Variants in ABCC9 observed in about 807,000 individuals in gnomAD.
ABCC9 encodes ATP-binding cassette sub-family C member 9.
A neutral mutation model predicts 188.3 loss-of-function variants in ABCC9; 95 were observed. The observed-to-expected ratio is 0.50, with a 90% CI of 0.43 to 0.60. ABCC9 has a LOEUF of 0.60. Ranked by LOEUF, ABCC9 falls within the 20% of genes least tolerant of loss-of-function variation. The pLI, the probability that ABCC9 is intolerant of heterozygous loss-of-function variation, is 0.00. For missense variants in ABCC9, 1,102 were observed against 1,876.3 expected (o/e 0.59, Z 7.62); for synonymous variants, 659 against 652.7 (o/e 1.01, Z -0.15).
intron 30 of ABCC9, among the ~76,000 whole-genome samples, chr12:21,834,836 A>G (rs1943987767): frequency 6.9e-6 from 1 of 145,024 alleles, no homozygotes; most frequent in Admixed American, 6.9e-5. Flanking sequence ...CAGTGCGCAC[A>G]TGAGGAGGGA....
intron 39 of ABCC9, among the ~76,000 whole-genome samples, chr12:21,802,469 TAATAC>T (rs1941509134): frequency 1.3e-5 from 2 of 152,226 alleles, no homozygotes; most frequent in African/African-American, 4.8e-5. Flanking sequence ...AAAGCAACTT[TAATAC>T]ATTTTAACCC....
rs535009862 is a variant in ABCC9, at chr12:21,814,572, G to A, written c.4102+72C>T. The A allele has an allele frequency of 7.1e-6, 9 of 1,267,672 alleles. No individual in the cohort carries two copies. In the African/African-American group the frequency reaches 8.9e-5, roughly 13 times the overall value. The allele number at this position is 1,267,672 out of a possible 1,614,324, so 78.5% of individuals were successfully genotyped here. ...AAATATTTGCTTTTGATTTCTGCAG[G>A]ATTAGGTAAATTGATGTTTTTTTAA... On this transcript the variant is annotated intron_variant, in intron 35 of 39. Transcript: ENST00000261200.
At chr12:21,858,935 C>T (rs994094094) in intron 22 of ABCC9, among the ~76,000 whole-genome samples, 1 of 152,130 alleles carries the variant, frequency 6.6e-6, no homozygotes, top group African/African-American at 2.4e-5. Flanking sequence ...TTTTAGGTAC[C>T]TCCTGCTGGA....
chr12:21,860,417 C>G (rs1945445848), intron 21 of ABCC9, among the ~76,000 whole-genome samples: 1 of 152,180 alleles, frequency 6.6e-6, no homozygotes, highest in Non-Finnish European at 1.5e-5. Flanking sequence ...CGATAACACC[C>G]ATAACACAGA....
Position 21,845,563 on chromosome 12 carries a change from T to G in ABCC9, c.3096+40A>C, listed in dbSNP as rs11830652. The G allele has an allele frequency of 1.6e-3, 2,359 of 1,520,198 alleles. 23 individuals are homozygous for G. The African/African-American group carries it at 0.029, about 19-fold the overall frequency. The allele number at this position is 1,520,198 out of a possible 1,614,324, so 94.2% of individuals were successfully genotyped here. The stretch of plus-strand genomic sequence containing the variant: ...GAAGGTATCACTGTTAATCTCAATA[T>G]TTCCTTGATGATTTAAAAACAAAAC... On this transcript the variant is annotated intron_variant, in intron 26 of 39. Transcript: ENST00000261200.
At chr12:21,887,306 C>T (rs1946927830) in intron 15 of ABCC9, among the ~76,000 whole-genome samples, 1 of 152,058 alleles carries the variant, frequency 6.6e-6, no homozygotes, top group Non-Finnish European at 1.5e-5. Flanking sequence ...TTAATTCTAG[C>T]TCTACCACTT....
At chr12:21,884,967 T>A (rs1017509422) in intron 15 of ABCC9, among the ~76,000 whole-genome samples, 1 of 152,082 alleles carries the variant, frequency 6.6e-6, no homozygotes, top group Non-Finnish European at 1.5e-5. Flanking sequence ...TCTTCTAGAG[T>A]CTTTAATTCT....
At chr12:21,925,683 A>T in intron 5 of ABCC9, 2 of 615,804 alleles carry the variant, frequency 3.2e-6, no homozygotes, top group Admixed American at 2.7e-5. Flanking sequence ...TTCTTCCCCC[A>T]CCCCCCTACA....
intron 16 of ABCC9, among the ~76,000 whole-genome samples, chr12:21,879,894 A>G (rs1946539429): frequency 6.6e-6 from 1 of 152,054 alleles, no homozygotes; most frequent in Non-Finnish European, 1.5e-5. Context: ...AAAAGGTGTC[A>G]ATGTTCGTTA....
intron 16 of ABCC9, among the ~76,000 whole-genome samples, chr12:21,879,065 A>C (rs1315507060): frequency 1.3e-5 from 2 of 152,222 alleles, no homozygotes; most frequent in Non-Finnish European, 2.9e-5. Flanking sequence ...CTCAGTGTAC[A>C]TCACTAGGGG....
At chr12:21,890,301 T>C (rs1430024684) in intron 14 of ABCC9, among the ~76,000 whole-genome samples, 4 of 152,120 alleles carry the variant, frequency 2.6e-5, no homozygotes, top group Non-Finnish European at 4.4e-5. Context: ...TCAGCATCTT[T>C]AGCATCGTCT....
Position 21,910,322 on chromosome 12 carries a change from A to C in ABCC9, c.1165-10T>G. Reference sequence around the variant, plus strand: ...TATTATAAATCATGGCCTACCAAAAAAAAAAAAAAGAGTACATAAAGCTCT... The same window carrying C: ...TATTATAAATCATGGCCTACCAAAACAAAAAAAAAGAGTACATAAAGCTCT... On this transcript the variant is annotated splice_polypyrimidine_tract_variant and intron_variant, in intron 9 of 39. Transcript: ENST00000261200. 1 of 1,583,774 alleles carries C rather than the reference A, an allele frequency of 6.3e-7. No homozygotes were observed. The highest frequency in any genetic ancestry group is 8.6e-7 in the Non-Finnish European group (1 of 1,166,282).
At position 21,912,733 on chromosome 12, in the gene ABCC9, TTTTC is replaced by T. The variant is rs1948377836; in HGVS notation, c.1011+135_1011+138del. On this transcript the variant is annotated intron_variant, in intron 8 of 39. Coordinates refer to ENST00000261200, the MANE Select transcript of ABCC9 (RefSeq NM_020297.4). Reference sequence around the variant, plus strand: ...TTTTTTTCTAAAAGGAAAATTACTGTTTTCTTTCTTTTAGAAAGCATTCAATTCT... The same window carrying T: ...TTTTTTTCTAAAAGGAAAATTACTGTTTTCTTTTAGAAAGCATTCAATTCT... The T allele has an allele frequency of 1.3e-5, 11 of 841,460 alleles. No homozygotes were observed. The South Asian group carries it at 1.8e-4, about 13-fold the overall frequency. 52.1% of individuals were successfully genotyped at this position (841,460 alleles called of 1,614,324 possible).
rs1430745818 is a variant in ABCC9 at position 21,910,283 on chromosome 12, G to A, written c.1194C>T (p.Leu398=). 1.9e-6 allele frequency: 3 copies of A among 1,598,684 alleles called. No individual in the cohort carries two copies. The highest frequency in any genetic ancestry group is 1.7e-5 in the Admixed American group (1 of 58,236). The change falls in exon 10 of 40, where the codon CTC becomes CTT. Residue 398 remains leucine, a synonymous_variant. Transcript: ENST00000261200. ...CCCCCATGGATAAGTTAGACGTAGA[G>A]AGCCTAAGGATTTTATTATAAATCA... is the stretch of plus-strand genomic sequence containing the variant. ...LAMIYNKILR[L]STSNLSMGEM... is the part of the protein sequence containing the mutation.
chr12:21,877,637 G>A (rs1166999020), intron 16 of ABCC9, among the ~76,000 whole-genome samples: 1 of 152,142 alleles, frequency 6.6e-6, no homozygotes, highest in Non-Finnish European at 1.5e-5. Flanking sequence ...AACTAAGAGA[G>A]ACCCTACATG....
Position 21,861,052 on chromosome 12 carries a change from G to A in ABCC9, c.2343C>T (p.Tyr781=), listed in dbSNP as rs758726580. 9.3e-6 allele frequency: 15 copies of A among 1,612,784 alleles called. No homozygotes were observed. Among genetic ancestry groups the A allele is most frequent in the Non-Finnish European group, 1.2e-5 (14 of 1,179,158 alleles). ...TFGSPFNKQR[Y]KAVTDACSLQ... ...GAGAACAGGCATCTGTGACAGCTTT[G>A]TACCTTTGGGAGAAATGATTTTGAA... The change falls in exon 21 of 40, where the codon TAC becomes TAT. Residue 781 remains tyrosine, a synonymous_variant. Transcript: ENST00000261200.
At chr12:21,902,417 A>C (rs948066859) in intron 12 of ABCC9, among the ~76,000 whole-genome samples, 2 of 152,372 alleles carry the variant, frequency 1.3e-5, no homozygotes, top group African/African-American at 4.8e-5. Flanking sequence ...CACATTCAAA[A>C]GCTAGCAGAA....
chr12:21,872,563 T>C (rs968640777), intron 18 of ABCC9, 62 bp downstream of exon 18: 3 of 1,303,506 alleles, frequency 2.3e-6, no homozygotes, highest in African/African-American at 2.9e-5. Flanking sequence ...GTCTAAGTTC[T>C]TTCCTTGGAA....
At position 21,893,984 on chromosome 12, in the gene ABCC9, C is replaced by T. The variant is rs759337853; in HGVS notation, c.1802+48G>A. On this transcript the variant is annotated intron_variant, in intron 14 of 39. Coordinates refer to ENST00000261200, the MANE Select transcript of ABCC9 (RefSeq NM_020297.4). ...TTCAAATACTCCTATTAGCACACGT[C>T]ATTTCTATTATCAATAAGCAAAAAA... 2.5e-6 allele frequency: 4 copies of T among 1,595,758 alleles called. No homozygotes were observed. The African/African-American group carries it at 5.4e-5, about 21-fold the overall frequency.
Sources: allele counts gnomAD v4.1 joint callset (sites outside exome capture counted in the v4.1 genomes callset), GRCh38; gene constraint gnomAD v4.1.1; transcripts MANE v1.5; gene names NCBI Gene and HGNC (gene_info 2026-07-23, HGNC 2026-07-21).